Variants in ROBO1 observed in about 807,000 individuals in gnomAD.
ROBO1 encodes the protein roundabout guidance receptor 1, also known as roundabout homolog 1.
Under a neutral mutation model 195.9 loss-of-function variants are expected in ROBO1, and 149 were observed. That is an observed-to-expected ratio of 0.76 (90% CI 0.67 to 0.87). ROBO1 has a LOEUF of 0.87. ROBO1 is among the 40% of genes least tolerant of loss of function. The pLI, the probability that ROBO1 is intolerant of heterozygous loss-of-function variation, is 0.00. For synonymous variants in ROBO1, 816 were observed against 733.2 expected (o/e 1.11, Z -1.82); for missense variants, 1,933 against 2,068.3 (o/e 0.93, Z 1.27).
At chr3:78,821,807 T>G (rs183714563) in intron 4 of ROBO1, among the ~76,000 whole-genome samples, 46 of 152,298 alleles carry the variant, frequency 3.0e-4, no homozygotes, top group African/African-American at 1.0e-3. Context: ...CATCTGTGCC[T>G]AATCTCATAA....
chr3:79,740,170 A>G (rs1047977637), intron 1 of ROBO1, among the ~76,000 whole-genome samples: 4 of 148,124 alleles, frequency 2.7e-5, no homozygotes, highest in Non-Finnish European at 5.9e-5. Flanking sequence ...AGACTTAGTA[A>G]TCTCTTCTCT....
At position 78,597,850 on chromosome 3, in the gene ROBO1, G is replaced by A. The variant is rs1199543745; in HGVS notation, c.*1063C>T. 6.7e-6 allele frequency: 1 copy of A among 148,934 alleles called. No homozygotes were observed. Among genetic ancestry groups the A allele is most frequent in the African/African-American group, 2.5e-5 (1 of 39,980 alleles). The allele number at this position is 148,934 out of a possible 1,614,324, so 9.2% of individuals were successfully genotyped here. A position where few individuals can be genotyped will look rare whatever the true frequency, so the allele number is the denominator to read the frequency against. Reference sequence around the variant, plus strand: ...ACAAACATAGAGCATTAACAAAACAGGTTAAAAACGCTTCTCAACATTTTT... The same window carrying A: ...ACAAACATAGAGCATTAACAAAACAAGTTAAAAACGCTTCTCAACATTTTT... On this transcript the variant is annotated 3_prime_UTR_variant, in exon 31 of 31. Transcript: ENST00000464233.
At chr3:78,852,980 T>G (rs2034167489) in intron 4 of ROBO1, among the ~76,000 whole-genome samples, 1 of 152,174 alleles carries the variant, frequency 6.6e-6, no homozygotes, top group Admixed American at 6.5e-5. Context: ...CATTAAAAAC[T>G]GTCTGGGCCA....
intron 1 of ROBO1, among the ~76,000 whole-genome samples, chr3:79,722,660 CACTT>C (rs2107303658): frequency 6.6e-6 from 1 of 152,344 alleles, no homozygotes; most frequent in South Asian, 2.1e-4. Context: ...AAATTGAAGT[CACTT>C]AATCAGCAGT....
At chr3:79,632,551 C>T (rs561635332) in intron 1 of ROBO1, among the ~76,000 whole-genome samples, 1 of 152,184 alleles carries the variant, frequency 6.6e-6, no homozygotes, top group South Asian at 2.1e-4. Flanking sequence ...GGGACAGGCA[C>T]ATTAGAAGTC....
chr3:78,864,290 A>C (rs1383565939), intron 4 of ROBO1, among the ~76,000 whole-genome samples: 2 of 152,144 alleles, frequency 1.3e-5, no homozygotes, highest in South Asian at 2.1e-4. Flanking sequence ...TGGCATCCAC[A>C]ATGTTTATTA....
At chr3:79,550,209 A>C (rs1942452784) in intron 2 of ROBO1, among the ~76,000 whole-genome samples, 2 of 139,594 alleles carry the variant, frequency 1.4e-5, no homozygotes, top group Non-Finnish European at 3.1e-5. Flanking sequence ...AAGAAAAGAA[A>C]AGAAAAGAAA....
At chr3:78,859,915 T>G (rs1169214830) in intron 4 of ROBO1, among the ~76,000 whole-genome samples, 1 of 151,930 alleles carries the variant, frequency 6.6e-6, no homozygotes, top group African/African-American at 2.4e-5. Context: ...CCGTCTCTAC[T>G]AAAAATACAA....
At chr3:78,943,801 C>A (rs561860765) in intron 3 of ROBO1, among the ~76,000 whole-genome samples, 1 of 152,216 alleles carries the variant, frequency 6.6e-6, no homozygotes, top group Non-Finnish European at 1.5e-5. Flanking sequence ...AGCAAAAAAC[C>A]TATTACTTGA....
intron 3 of ROBO1, among the ~76,000 whole-genome samples, chr3:79,077,255 A>G (rs534414153): frequency 4.5e-4 from 69 of 152,018 alleles, no homozygotes; most frequent in Non-Finnish European, 7.8e-4. Context: ...TATGTATACA[A>G]TATTTTTAGT....
In ROBO1 at chr3:79,293,168, G is replaced by T. The variant is rs866015107; in HGVS notation, c.89-167629C>A. Reference sequence around the variant, plus strand: ...CATTTTCCAGTTTATTTGCATAGAGGTGTTCATAGTATTCTCTGATGGTAA... The same window carrying T: ...CATTTTCCAGTTTATTTGCATAGAGTTGTTCATAGTATTCTCTGATGGTAA... On this transcript the variant is annotated intron_variant, in intron 2 of 30. Transcript: ENST00000464233. Among the ~76,000 whole-genome samples the T allele has an allele frequency of 3.3e-5, 5 of 152,088 alleles. No homozygotes were observed. In the South Asian group the frequency reaches 6.2e-4, roughly 19 times the overall value.
At position 78,813,850 on chromosome 3, in the gene ROBO1, T is replaced by A. The variant is rs545422438; in HGVS notation, c.500-66950A>T. Among the ~76,000 whole-genome samples the A allele has an allele frequency of 2.6e-4, 40 of 152,184 alleles. No homozygotes were observed. In the Middle Eastern group the frequency reaches 0.01, roughly 39 times the overall value. On this transcript the variant is annotated intron_variant, in intron 4 of 30. Coordinates refer to ENST00000464233, the MANE Select transcript of ROBO1 (RefSeq NM_002941.4). ...AGCTTGCTTGATAAGTTAACTAATA[T>A]GTTGTTAAGGCTTAGAGGTAGCCTT...
At chr3:78,759,430 G>A (rs2083033479) in intron 4 of ROBO1, 1 of 149,830 alleles carries the variant, frequency 6.7e-6, no homozygotes, top group Admixed American at 6.6e-5. Context: ...TATGGTTAAA[G>A]TTGCCCCTCC....
At chr3:79,640,271 A>C (rs777917914) in intron 1 of ROBO1, among the ~76,000 whole-genome samples, 2 of 152,136 alleles carry the variant, frequency 1.3e-5, no homozygotes, top group African/African-American at 4.8e-5. Context: ...GAGTGTAATA[A>C]TTATGACATT....
intron 3 of ROBO1, among the ~76,000 whole-genome samples, chr3:79,049,142 A>G (rs2078649542): frequency 6.6e-6 from 1 of 152,138 alleles, no homozygotes; most frequent in African/African-American, 2.4e-5. Context: ...ATGAAGCTAA[A>G]AATCTTGAAA....
At chr3:79,667,604 C>A (rs1946511106) in intron 1 of ROBO1, among the ~76,000 whole-genome samples, 1 of 151,498 alleles carries the variant, frequency 6.6e-6, no homozygotes, top group Non-Finnish European at 1.5e-5. Flanking sequence ...TTAAGTGAAA[C>A]CAGATAAATG....
chr3:79,234,760 A>G (rs953248736), intron 2 of ROBO1, among the ~76,000 whole-genome samples: 11 of 152,144 alleles, frequency 7.2e-5, no homozygotes, highest in Admixed American at 4.6e-4. Flanking sequence ...TATAAATGGG[A>G]ACTAAACATT....
chr3:79,182,839 G>T (rs2081367473), intron 2 of ROBO1, among the ~76,000 whole-genome samples: 1 of 151,996 alleles, frequency 6.6e-6, no homozygotes, highest in Non-Finnish European at 1.5e-5. Context: ...CAGCACTTTG[G>T]GAAGCTGAGG....
chr3:78,986,518 T>C (rs1248682615), intron 3 of ROBO1, among the ~76,000 whole-genome samples: 1 of 152,108 alleles, frequency 6.6e-6, no homozygotes, highest in East Asian at 1.9e-4. Flanking sequence ...CAGCTATTCA[T>C]GTGTCCCAAG....
Sources: gnomAD v4.1 joint callset for allele counts (sites outside exome capture counted in the v4.1 genomes callset) on GRCh38, gnomAD v4.1.1 for gene constraint, MANE v1.5 for transcripts, NCBI Gene and HGNC (gene_info 2026-07-23, HGNC 2026-07-21) for gene names.